The following LSAMP variants were observed in gnomAD, a reference collection of about 807,000 sequenced individuals.
LSAMP encodes the protein limbic system associated membrane protein.
Under a neutral mutation model 38.6 loss-of-function variants are expected in LSAMP, and 7 were observed. That is an observed-to-expected ratio of 0.18 (90% confidence interval 0.10 to 0.34). The LOEUF is 0.34. LSAMP is among the 10% of genes least tolerant of loss of function. The pLI, the probability that LSAMP is intolerant of heterozygous loss-of-function variation, is 1.00. For synonymous variants in LSAMP, 154 were observed against 166.8 expected (o/e 0.92, Z 0.59); for missense variants, 313 against 420.0 (o/e 0.75, Z 2.23).
At chr3:116,160,415 AGAGG>A (rs1397178935) in intron 1 of LSAMP, among the ~76,000 whole-genome samples, 2 of 68,840 alleles carry the variant, frequency 2.9e-5, no homozygotes, top group Admixed American at 1.5e-4. Flanking sequence ...AGAAAGAGAG[AGAGG>A]GAGGGAGGGA....
intron 1 of LSAMP, among the ~76,000 whole-genome samples, chr3:116,304,404 G>C (rs896385307): frequency 6.6e-6 from 1 of 152,124 alleles, no homozygotes; most frequent in African/African-American, 2.4e-5. Context: ...CGAAGAAGCT[G>C]TTTCGGACAA....
At chr3:116,110,672 A>G (rs1708586612) in intron 1 of LSAMP, among the ~76,000 whole-genome samples, 1 of 152,114 alleles carries the variant, frequency 6.6e-6, no homozygotes. Context: ...AATTGGTGAG[A>G]TATTTCTTGG....
chr3:115,970,605 C>T (rs912799421), intron 3 of LSAMP, among the ~76,000 whole-genome samples: 1 of 152,046 alleles, frequency 6.6e-6, no homozygotes, highest in African/African-American at 2.4e-5. Context: ...ACTTTTAGGT[C>T]AGAACGAAGA....
intron 1 of LSAMP, among the ~76,000 whole-genome samples, chr3:116,428,071 C>T (rs573353601): frequency 3.3e-5 from 5 of 152,258 alleles, no homozygotes; most frequent in African/African-American, 4.8e-5. Flanking sequence ...TTTCCATTTA[C>T]GCTCTACTTT....
At chr3:116,127,525 A>G (rs914844702) in intron 1 of LSAMP, among the ~76,000 whole-genome samples, 1 of 152,186 alleles carries the variant, frequency 6.6e-6, no homozygotes, top group African/African-American at 2.4e-5. Context: ...TACATTTGCA[A>G]GTTTTAAATC....
chr3:115,812,222 G>T (rs182153308), intron 6 of LSAMP, among the ~76,000 whole-genome samples: 1 of 152,096 alleles, frequency 6.6e-6, no homozygotes, highest in Admixed American at 6.6e-5. Flanking sequence ...TATAAAATGA[G>T]CTGTATTATG....
At chr3:116,427,112 T>A in intron 1 of LSAMP, among the ~76,000 whole-genome samples, 1 of 11,424 alleles carries the variant, frequency 8.8e-5, no homozygotes. Flanking sequence ...TTTCTTTCTT[T>A]TTTTTTTTTT....
At chr3:116,144,562 C>CTTTTTTTT (rs3071080) in intron 1 of LSAMP, among the ~76,000 whole-genome samples, 1 of 142,164 alleles carries the variant, frequency 7.0e-6, no homozygotes. Context: ...CATCACCTTA[C>CTTTTTTTT]TTTTTTTTTT....
At chr3:115,927,499 T>C (rs1452026418) in intron 3 of LSAMP, among the ~76,000 whole-genome samples, 1 of 152,150 alleles carries the variant, frequency 6.6e-6, no homozygotes, top group Non-Finnish European at 1.5e-5. Flanking sequence ...AGAAAGCCCT[T>C]CTTCTTTCCA....
At chr3:116,140,643 G>C (rs1709349133) in intron 1 of LSAMP, among the ~76,000 whole-genome samples, 1 of 151,928 alleles carries the variant, frequency 6.6e-6, no homozygotes, top group Non-Finnish European at 1.5e-5. Context: ...TTTGTTATAT[G>C]ATGGCAGCAA....
intron 3 of LSAMP, among the ~76,000 whole-genome samples, chr3:115,930,579 A>G (rs1319001673): frequency 6.6e-6 from 1 of 152,194 alleles, no homozygotes; most frequent in African/African-American, 2.4e-5. Flanking sequence ...AATCCACTCC[A>G]ACCAAATGAG....
chr3:116,235,113 A>T (rs1339124502), intron 1 of LSAMP, among the ~76,000 whole-genome samples: 1 of 151,724 alleles, frequency 6.6e-6, no homozygotes. Flanking sequence ...GTCAACATTC[A>T]AATCCTTGTT....
chr3:115,940,592 A>G (rs1023928075), intron 3 of LSAMP, among the ~76,000 whole-genome samples: 1 of 152,212 alleles, frequency 6.6e-6, no homozygotes, highest in African/African-American at 2.4e-5. Context: ...TGTATATGAT[A>G]TAAGGCAAGG....
chr3:116,226,797 C>A (rs1559790832), intron 1 of LSAMP, among the ~76,000 whole-genome samples: 1 of 152,186 alleles, frequency 6.6e-6, no homozygotes, highest in Non-Finnish European at 1.5e-5. Flanking sequence ...AGGAAGTCTA[C>A]CTCTTCCAAC....
intron 1 of LSAMP, among the ~76,000 whole-genome samples, chr3:116,141,598 A>T (rs1709372265): frequency 6.6e-6 from 1 of 151,818 alleles, no homozygotes; most frequent in African/African-American, 2.4e-5. Context: ...CTTTTGAATG[A>T]CTATAGCAAT....
In LSAMP at chr3:116,299,302, G is replaced by A. The variant is rs575137517; in HGVS notation, c.155+145575C>T. Reference sequence around the variant, plus strand: ...AATCTGAGACAGGTAGAGCCTAAAGGAGACAGAGTCTCACGTACTGGAAAC... The same window carrying A: ...AATCTGAGACAGGTAGAGCCTAAAGAAGACAGAGTCTCACGTACTGGAAAC... On this transcript the variant is annotated intron_variant, in intron 1 of 6. Transcript: ENST00000490035. 3.3e-5 allele frequency among the ~76,000 whole-genome samples: 5 copies of A among 152,288 alleles called. No individual in the cohort carries two copies. In the East Asian group the frequency reaches 9.7e-4, roughly 29 times the overall value.
intron 2 of LSAMP, among the ~76,000 whole-genome samples, chr3:116,066,427 A>C (rs1184612640): frequency 6.6e-6 from 1 of 152,234 alleles, no homozygotes; most frequent in Non-Finnish European, 1.5e-5. Flanking sequence ...AATGAGGTAC[A>C]GAAGATGTCT....
At chr3:116,021,243 A>G (rs1250823072) in intron 2 of LSAMP, among the ~76,000 whole-genome samples, 2 of 152,136 alleles carry the variant, frequency 1.3e-5, no homozygotes, top group Non-Finnish European at 2.9e-5. Flanking sequence ...TCGTTTTCTC[A>G]TATTCACACA....
chr3:116,136,168 A>T (rs1173767167), intron 1 of LSAMP, among the ~76,000 whole-genome samples: 4 of 152,168 alleles, frequency 2.6e-5, no homozygotes, highest in African/African-American at 9.7e-5. Context: ...TATATCAATA[A>T]TTGTAATATC....
Sources: allele counts gnomAD v4.1 joint callset (sites outside exome capture counted in the v4.1 genomes callset), GRCh38; gene constraint gnomAD v4.1.1; transcripts MANE v1.5; gene names NCBI Gene and HGNC (gene_info 2026-07-23, HGNC 2026-07-21).